The following COL4A6 variants were observed in gnomAD, a reference collection of about 807,000 sequenced individuals.
The protein encoded by COL4A6 is collagen alpha-6(IV) chain.
A neutral mutation model predicts 126.7 loss-of-function variants in COL4A6; 59 were observed. That is an observed-to-expected ratio of 0.47 (90% confidence interval 0.38 to 0.58). The LOEUF (loss-of-function observed/expected upper bound fraction) is 0.58, where lower values mean the gene tolerates loss of function less well. Ranked by LOEUF, COL4A6 falls within the 20% of genes least tolerant of loss-of-function variation. The pLI is 0.00. For synonymous variants in COL4A6, 547 were observed against 496.6 expected (o/e 1.10, Z -1.35); for missense variants, 1,285 against 1,337.3 (o/e 0.96, Z 0.61).
At chrX:108,275,734 G>A (rs2037583399) in intron 3 of COL4A6, among the ~76,000 whole-genome samples, 1 of 113,005 alleles carries the variant, frequency 8.8e-6, no homozygotes, top group Admixed American at 9.3e-5. Flanking sequence ...ATCTAAGGGG[G>A]AATTAGCAGA....
chrX:108,225,121 G>T (rs1176694045), intron 3 of COL4A6, among the ~76,000 whole-genome samples: 1 of 111,223 alleles, frequency 9.0e-6, no homozygotes, highest in African/African-American at 3.3e-5. Context: ...GAACGGCATG[G>T]AACTAAACAG....
chrX:108,318,709 T>G (rs2038946195), intron 2 of COL4A6, among the ~76,000 whole-genome samples: 3 of 112,034 alleles, frequency 2.7e-5, no homozygotes, highest in South Asian at 7.5e-4. Context: ...AAACCACTGC[T>G]CAATGAAATA....
chrX:108,383,843 C>T (rs1339994584), intron 2 of COL4A6: 4 of 489,493 alleles, frequency 8.2e-6, no homozygotes, highest in East Asian at 7.1e-5. Context: ...AAACCAGATG[C>T]AAGTCACATG....
At chrX:108,437,429 T>C (rs751974965) in intron 2 of COL4A6, among the ~76,000 whole-genome samples, 8 of 111,701 alleles carry the variant, frequency 7.2e-5, no homozygotes, top group Non-Finnish European at 1.3e-4. Context: ...GAACATCACC[T>C]AGTGGTATCA....
In COL4A6 at chrX:108,277,322, G is replaced by A. The variant is rs748767529; in HGVS notation, c.144+33426C>T. ...TTTTCCGGTGGGCTTAAAAAACGGC[G>A]CACCAGGAGATTATATCCCGCACAT... On this transcript the variant is annotated intron_variant, in intron 3 of 44. Coordinates refer to ENST00000334504, the MANE Select transcript of COL4A6 (RefSeq NM_033641.4). Among the ~76,000 whole-genome samples the A allele has an allele frequency of 4.5e-5, 5 of 111,816 alleles. No individual in the cohort carries two copies. In the East Asian group the frequency reaches 8.5e-4, roughly 19 times the overall value.
At chrX:108,250,154 T>C (rs2036815856) in intron 3 of COL4A6, among the ~76,000 whole-genome samples, 1 of 111,393 alleles carries the variant, frequency 9.0e-6, no homozygotes, top group African/African-American at 3.3e-5. Context: ...GTTGGGAAAC[T>C]ATAAATTTCT....
At chrX:108,325,714 C>G (rs1395352698) in intron 2 of COL4A6, among the ~76,000 whole-genome samples, 2 of 109,270 alleles carry the variant, frequency 1.8e-5, no homozygotes, top group Non-Finnish European at 3.8e-5. Flanking sequence ...AATGATGGTA[C>G]ATTATGACCA....
chrX:108,212,331 C>A (rs1046852692), intron 6 of COL4A6, among the ~76,000 whole-genome samples: 4 of 111,183 alleles, frequency 3.6e-5, no homozygotes, highest in Non-Finnish European at 7.5e-5. Flanking sequence ...TCCTGTACTT[C>A]TACCACACAA....
chrX:108,318,648 C>G (rs1389648232), intron 2 of COL4A6, among the ~76,000 whole-genome samples: 2 of 111,586 alleles, frequency 1.8e-5, no homozygotes, highest in Non-Finnish European at 3.8e-5. Context: ...AATAAAATAC[C>G]CAGGAATCCA....
At chrX:108,375,267 T>C (rs147407095) in intron 2 of COL4A6, among the ~76,000 whole-genome samples, 333 of 112,047 alleles carry the variant, frequency 3.0e-3, no homozygotes, top group African/African-American at 0.01. Flanking sequence ...AAATGTAGTA[T>C]ATAATGAAAG....
At chrX:108,391,529 C>G (rs887049217) in intron 2 of COL4A6, among the ~76,000 whole-genome samples, 1 of 111,417 alleles carries the variant, frequency 9.0e-6, no homozygotes, top group African/African-American at 3.3e-5. Flanking sequence ...GGCAGAAGCC[C>G]CTCCCCCCAC....
At chrX:108,159,986 C>A in intron 43 of COL4A6, 2 of 457,069 alleles carry the variant, frequency 4.4e-6, no homozygotes, top group Non-Finnish European at 7.8e-6. Context: ...CCTAATTAAT[C>A]TGCTTTGAAA....
At chrX:108,243,473 C>T (rs957443267) in intron 3 of COL4A6, among the ~76,000 whole-genome samples, 29 of 111,145 alleles carry the variant, frequency 2.6e-4, no homozygotes, top group African/African-American at 8.8e-4. Context: ...ACCAGGCCAC[C>T]CCATAAAACC....
intron 13 of COL4A6, among the ~76,000 whole-genome samples, chrX:108,197,575 G>A (rs1186748315): frequency 9.0e-6 from 1 of 111,550 alleles, no homozygotes; most frequent in Non-Finnish European, 1.9e-5. Flanking sequence ...AATGTGACCT[G>A]GCTCACCTGC....
intron 5 of COL4A6, among the ~76,000 whole-genome samples, chrX:108,216,214 C>G (rs2035852481): frequency 8.9e-6 from 1 of 112,212 alleles, no homozygotes; most frequent in South Asian, 3.7e-4. Context: ...CACTTTCCTA[C>G]CTTAGCTGAA....
Position 108,191,395 on chromosome X carries a change from G to C in COL4A6, c.1319C>G (p.Pro440Arg). The C allele has an allele frequency of 8.3e-7, 1 of 1,209,114 alleles. No homozygotes were observed. The highest frequency in any genetic ancestry group is 1.1e-6 in the Non-Finnish European group (1 of 894,379). ...LPGPPGPPGP[P>R]SPEFETETLH... is the part of the protein sequence containing the mutation. Reference sequence around the variant, plus strand: ...AAAAAGAGAAATGAGTAACTTACTAGGTGGGCCTGGTGGACCTGGTGGGCC... The same window carrying C: ...AAAAAGAGAAATGAGTAACTTACTACGTGGGCCTGGTGGACCTGGTGGGCC... Residue 440 changes from proline (P) to arginine (R), a missense_variant and splice_region_variant, in exon 19 of 45, where the codon CCT (proline) becomes CGT (arginine). Pro to Arg is a moderately radical substitution (Grantham distance 103). Transcript: ENST00000334504.
intron 31 of COL4A6, 44 bp from the exon 32 acceptor site, chrX:108,172,576 G>A: frequency 9.4e-7 from 1 of 1,062,244 alleles, no homozygotes; most frequent in South Asian, 2.1e-5. Flanking sequence ...CAGAGCTCAG[G>A]ACTGCCCACC....
At chrX:108,363,073 AC>A (rs1410740539) in intron 2 of COL4A6, among the ~76,000 whole-genome samples, 3 of 112,450 alleles carry the variant, frequency 2.7e-5, no homozygotes, top group Admixed American at 1.9e-4. Context: ...CAAGGATGGA[AC>A]TGCTAAAACT....
At chrX:108,195,881 T>C (rs1256156212) in intron 14 of COL4A6, among the ~76,000 whole-genome samples, 2 of 111,819 alleles carry the variant, frequency 1.8e-5, no homozygotes, top group African/African-American at 6.5e-5. Context: ...AAAAGACTCT[T>C]ACTAAACTTC....
Sources: gnomAD v4.1 joint callset for allele counts (sites outside exome capture counted in the v4.1 genomes callset) on GRCh38, gnomAD v4.1.1 for gene constraint, MANE v1.5 for transcripts, NCBI Gene and HGNC (gene_info 2026-07-23, HGNC 2026-07-21) for gene names.